ULBP1: variants seen among roughly 807,000 people sequenced by gnomAD.
ULBP1 encodes the protein UL16-binding protein 1.
ULBP1 carries 28 observed loss-of-function variants against 25.3 expected under a neutral mutation model. The ratio of observed to expected loss-of-function variants is 1.10; its 90% CI spans 0.82 to 1.51. ULBP1 has a LOEUF of 1.51. Ranked by LOEUF, ULBP1 falls within the 40% of genes most tolerant of loss-of-function variation. The pLI, the probability that ULBP1 is intolerant of heterozygous loss-of-function variation, is 0.00. For missense variants in ULBP1, 348 were observed against 290.9 expected, an observed-to-expected ratio of 1.20 and a Z score of -1.43; for synonymous variants, 129 against 103.0, an observed-to-expected ratio of 1.25 and a Z score of -1.53.
Position 149,972,507 on chromosome 6 carries a change from G to A in ULBP1, c.*1161G>A, listed in dbSNP as rs1186629772. 8.5e-5 allele frequency: 13 copies of A among 152,154 alleles called. No individual in the cohort carries two copies. 9.4% of individuals were successfully genotyped at this position (152,154 alleles called of 1,614,324 possible). ...GCAACAAAAACAGAAATTGACAAAT[G>A]GGGCCTCATTAAACTAAAGAGCTTC... On this transcript the variant is annotated 3_prime_UTR_variant, in exon 5 of 5. Coordinates refer to ENST00000229708, the MANE Select transcript of ULBP1 (RefSeq NM_025218.4).
chr6:149,969,155 G>A lies in ULBP1; in HGVS notation c.420G>A (p.Gln140=), dbSNP rs772627436. The A allele has an allele frequency of 3.7e-6, 6 of 1,614,254 alleles. No homozygotes were observed. Among genetic ancestry groups the A allele is most frequent in the Admixed American group, 3.3e-5 (2 of 60,036 alleles). The stretch of plus-strand genomic sequence containing the variant: ...ATGGACACGGCAGAGGATCTTGGCA[G>A]TTCCTCTTCAATGGACAGAAGTTCC... ...EAHGHGRGSW[Q]FLFNGQKFLL... is the part of the protein sequence containing the mutation. The change falls in exon 3 of 5, where the codon CAG becomes CAA. Residue 140 remains glutamine, a synonymous_variant. Transcript: ENST00000229708.
chr6:149,969,965 C>G, intron 3 of ULBP1, 51 bp from the exon 4 acceptor site: 1 of 1,566,524 alleles, frequency 6.4e-7, no homozygotes. Flanking sequence ...GAGACATCCC[C>G]TAAGATTTTG....
intron 1 of ULBP1, among the ~76,000 whole-genome samples, chr6:149,966,544 A>AG (rs1478026168): frequency 1.3e-5 from 2 of 152,096 alleles, no homozygotes; most frequent in Non-Finnish European, 2.9e-5. Flanking sequence ...GCTAAGGGTG[A>AG]GGGGGTGCAG....
intron 1 of ULBP1, among the ~76,000 whole-genome samples, chr6:149,964,734 G>A (rs929733080): frequency 6.8e-6 from 1 of 146,992 alleles, no homozygotes; most frequent in Non-Finnish European, 1.5e-5. Context: ...CGCAGGCCAG[G>A]AGGCTTCTGG....
chr6:149,971,409 G>T lies in ULBP1; in HGVS notation c.*63G>T. On this transcript the variant is annotated 3_prime_UTR_variant, in exon 5 of 5. Coordinates refer to ENST00000229708, the MANE Select transcript of ULBP1 (RefSeq NM_025218.4). Reference sequence around the variant, plus strand: ...AAGAAGCCTCTGTTAGCCTGGTCTGGGTCCTGCTCTCCCTTCAGGGAGGCC... The same window carrying T: ...AAGAAGCCTCTGTTAGCCTGGTCTGTGTCCTGCTCTCCCTTCAGGGAGGCC... The T allele has an allele frequency of 5.1e-6, 5 of 985,298 alleles. No homozygotes were observed. The highest frequency in any genetic ancestry group is 6.0e-6 in the Non-Finnish European group (5 of 829,920). The allele number at this position is 985,298 out of a possible 1,614,324, so 61.0% of individuals were successfully genotyped here. A position where few individuals can be genotyped will look rare whatever the true frequency, so the allele number is the denominator to read the frequency against.
chr6:149,964,236 C>A, intron 1 of ULBP1, 102 bp downstream of exon 1: 4 of 1,326,638 alleles, frequency 3.0e-6, no homozygotes, highest in South Asian at 1.3e-5. Context: ...AGGACCGGCG[C>A]GATCTCCCTG....
At chr6:149,969,951 T>C in intron 3 of ULBP1, 65 bp from the exon 4 acceptor site, 1 of 1,547,276 alleles carries the variant, frequency 6.5e-7, no homozygotes, top group East Asian at 2.4e-5. Context: ...TGGCAGGAGC[T>C]GAGGAGACAT....
Position 149,968,608 on chromosome 6 carries a change from C to A in ULBP1, c.87C>A (p.Asp29Glu). The A allele has an allele frequency of 1.2e-6, 2 of 1,603,670 alleles. No individual in the cohort carries two copies. Among genetic ancestry groups the A allele is most frequent in the South Asian group, 1.1e-5 (1 of 90,518 alleles). The change falls in exon 2 of 5, where the codon GAC (aspartate) becomes GAA (glutamate). Residue 29 changes from aspartate to glutamate, a missense_variant and splice_region_variant. Transcript: ENST00000229708. ...LSGWSRAGWV[D>E]THCLCYDFII... ...CCCTCCTGTGTTTTTCTTCCACAGA[C>A]ACACACTGTCTTTGCTATGACTTCA...
rs1002638685 is a variant in ULBP1, at chr6:149,968,514, G to C, written c.86-93G>C. On this transcript the variant is annotated intron_variant, in intron 1 of 4. Transcript: ENST00000229708. Reference sequence around the variant, plus strand: ...CTTGGTCTGCCAGCCCAGCCCCTCAGAGGCCTTCACTTGCAGTCACCATAA... The same window carrying C: ...CTTGGTCTGCCAGCCCAGCCCCTCACAGGCCTTCACTTGCAGTCACCATAA... 3.8e-5 allele frequency: 57 copies of C among 1,503,314 alleles called. No individual in the cohort carries two copies. The Middle Eastern group carries it at 5.4e-4, about 14-fold the overall frequency. 93.1% of individuals were successfully genotyped at this position (1,503,314 alleles called of 1,614,324 possible). A position where few individuals can be genotyped will look rare whatever the true frequency, so the allele number is the denominator to read the frequency against.
At chr6:149,969,975 GA>G in intron 3 of ULBP1, 40 bp from the exon 4 acceptor site, 1 of 1,577,390 alleles carries the variant, frequency 6.3e-7, no homozygotes, top group Non-Finnish European at 8.6e-7. Context: ...CTAAGATTTT[GA>G]GCCTGGACAA....
intron 1 of ULBP1, among the ~76,000 whole-genome samples, chr6:149,965,322 G>C (rs1779186767): frequency 6.6e-6 from 1 of 151,278 alleles, no homozygotes; most frequent in Non-Finnish European, 1.5e-5. Context: ...CTGTCTCCCC[G>C]AACGTGCCTG....
In ULBP1 at chr6:149,968,887, C is replaced by T. The variant is rs371438032; in HGVS notation, c.349+17C>T. 6.2e-6 allele frequency: 10 copies of T among 1,609,628 alleles called. No homozygotes were observed. The African/African-American group carries it at 9.4e-5, about 15-fold the overall frequency. ...TACCCATTGGTAAGTTTAAAATGGC[C>T]CAGGGAGCAGACACAGTAGTAACTT... On this transcript the variant is annotated intron_variant, in intron 2 of 4. Coordinates refer to ENST00000229708, the MANE Select transcript of ULBP1 (RefSeq NM_025218.4).
chr6:149,964,086 C>T lies in ULBP1; in HGVS notation c.37C>T (p.Leu13Phe). 1 of 1,614,256 alleles carries T rather than the reference C, an allele frequency of 6.2e-7. No individual in the cohort carries two copies. Among genetic ancestry groups the T allele is most frequent in the Non-Finnish European group, 8.5e-7 (1 of 1,180,056 alleles). The change falls in exon 1 of 5, where the codon CTC becomes TTC. Residue 13 changes from leucine to phenylalanine, a missense_variant. Coordinates refer to ENST00000229708, the MANE Select transcript of ULBP1 (RefSeq NM_025218.4). ...CGCCAGCCCCGCGTTCCTTCTGTGCCTCCCGCTTCTGCACCTGCTGTCTGG... is the reference window on the plus strand; with the variant it reads ...CGCCAGCCCCGCGTTCCTTCTGTGCTTCCCGCTTCTGCACCTGCTGTCTGG... ...AAASPAFLLC[L>F]PLLHLLSGWS...
At position 149,972,399 on chromosome 6, in the gene ULBP1, A is replaced by T. The variant is rs181973894; in HGVS notation, c.*1053A>T. On this transcript the variant is annotated 3_prime_UTR_variant, in exon 5 of 5. Coordinates refer to ENST00000229708, the MANE Select transcript of ULBP1 (RefSeq NM_025218.4). ...TTAAATATAAGTACTAAAACTGTAA[A>T]AATCCTGGAATATAACCTAAGAAAT... The T allele has an allele frequency of 3.0e-4, 45 of 152,318 alleles. No homozygotes were observed. The highest frequency in any genetic ancestry group is 5.1e-4 in the Non-Finnish European group (35 of 68,032). The allele number at this position is 152,318 out of a possible 1,614,324, so 9.4% of individuals were successfully genotyped here. A position where few individuals can be genotyped will look rare whatever the true frequency, so the allele number is the denominator to read the frequency against.
Position 149,969,090 on chromosome 6 carries a change from C to G in ULBP1, c.355C>G (p.Leu119Val). Residue 119 changes from leucine to valine, a missense_variant, in exon 3 of 5, where the codon CTC becomes GTC. By Grantham distance (32) the Leu-to-Val change is conservative. Coordinates refer to ENST00000229708, the MANE Select transcript of ULBP1 (RefSeq NM_025218.4). Reference protein sequence around the residue: ...QVENLIPIEPLTLQARMSCEH... With the variant: ...QVENLIPIEPVTLQARMSCEH... ...ATCTCTTTGCAATGGGGCAGAGCCC[C>G]TCACCCTGCAGGCCAGGATGTCTTG... The G allele has an allele frequency of 1.2e-6, 2 of 1,614,140 alleles. No homozygotes were observed. Among genetic ancestry groups the G allele is most frequent in the African/African-American group, 1.3e-5 (1 of 75,062 alleles).
intron 1 of ULBP1, among the ~76,000 whole-genome samples, chr6:149,964,793 G>T (rs1423220358): frequency 7.9e-6 from 1 of 126,886 alleles, no homozygotes. Flanking sequence ...CCAACATCGC[G>T]ATCCCTCCGA....
Position 149,965,811 on chromosome 6 carries a change from C to T in ULBP1, c.85+1677C>T, listed in dbSNP as rs1422629989. Among the ~76,000 whole-genome samples, 4 of 152,134 alleles carry T rather than the reference C, an allele frequency of 2.6e-5. No individual in the cohort carries two copies. In the East Asian group the frequency reaches 7.7e-4, roughly 29 times the overall value. Reference sequence around the variant, plus strand: ...ACCACCCAGGTCGCATCCTTTCACTCCCCATCTCAGCTCACCCCTGTCACC... The same window carrying T: ...ACCACCCAGGTCGCATCCTTTCACTTCCCATCTCAGCTCACCCCTGTCACC... On this transcript the variant is annotated intron_variant, in intron 1 of 4. Transcript: ENST00000229708.
chr6:149,966,771 G>A (rs1019264393), intron 1 of ULBP1, among the ~76,000 whole-genome samples: 4 of 152,138 alleles, frequency 2.6e-5, no homozygotes, highest in Non-Finnish European at 4.4e-5. Context: ...CTCCACAGGG[G>A]CCCAGGACCA....
chr6:149,965,882 C>G (rs1296869835), intron 1 of ULBP1, among the ~76,000 whole-genome samples: 1 of 152,130 alleles, frequency 6.6e-6, no homozygotes, highest in Admixed American at 6.5e-5. Context: ...GCCCTTAGCA[C>G]CTCCCCCGAC....
Sources: gnomAD v4.1 joint callset for allele counts (sites outside exome capture counted in the v4.1 genomes callset) on GRCh38, gnomAD v4.1.1 for gene constraint, MANE v1.5 for transcripts, NCBI Gene and HGNC (gene_info 2026-07-23, HGNC 2026-07-21) for gene names.